MYLK4: variants seen among roughly 807,000 people sequenced by gnomAD.
The protein encoded by MYLK4 is myosin light chain kinase family member 4, also known as caMLCK like.
Under a neutral mutation model 48.1 loss-of-function variants are expected in MYLK4, and 46 were observed. The observed-to-expected ratio is 0.96, with a 90% CI of 0.75 to 1.22. The LOEUF is 1.22. Among genes scored for constraint, MYLK4 ranks in the 50% most tolerant of loss-of-function variants. MYLK4 has a pLI of 0.00. For synonymous variants in MYLK4, 170 were observed against 180.8 expected (o/e 0.94, Z 0.48); for missense variants, 451 against 486.1 (o/e 0.93, Z 0.68).
At chr6:2,765,823 C>G in the MYLK4 span, 3 of 1,357,376 alleles carry the variant, frequency 2.2e-6, no homozygotes, top group Admixed American at 3.6e-5. Context: ...CCTCGCCGCC[C>G]GGCGCCAAGA....
chr6:2,683,170 G>T lies in MYLK4; in HGVS notation c.546-8C>A, dbSNP rs542396141. The T allele has an allele frequency of 6.2e-7, 1 of 1,614,096 alleles. No homozygotes were observed. The highest frequency in any genetic ancestry group is 8.5e-7 in the Non-Finnish European group (1 of 1,179,998). ...AGCTCCCCACCATCCACACTGCAGA[G>T]GGAAGAGGACTGAAACCCTCAGTCC... On this transcript the variant is annotated splice_polypyrimidine_tract_variant and splice_region_variant and intron_variant, in intron 6 of 12. Transcript: ENST00000274643.
At chr6:2,744,420 T>C (rs553021384) in intron 2 of MYLK4, among the ~76,000 whole-genome samples, 4 of 152,300 alleles carry the variant, frequency 2.6e-5, no homozygotes, top group Admixed American at 6.5e-5. Flanking sequence ...CTCCTGCCCT[T>C]ACAGGGTGAG....
chr6:2,689,081 A>T lies in MYLK4; in HGVS notation c.236-125T>A, dbSNP rs1761675355. On this transcript the variant is annotated intron_variant, in intron 3 of 12. Coordinates refer to ENST00000274643, the MANE Select transcript of MYLK4 (RefSeq NM_001012418.5). ...TAAAATACAAGGAGCCATCTGTTTG[A>T]TTCCTAATGATCCAGGGATATAGAT... The T allele has an allele frequency of 1.1e-5, 8 of 700,042 alleles. No individual in the cohort carries two copies. In the South Asian group the frequency reaches 1.3e-4, roughly 12 times the overall value. The allele number at this position is 700,042 out of a possible 1,614,324, so 43.4% of individuals were successfully genotyped here.
intron 10 of MYLK4, among the ~76,000 whole-genome samples, chr6:2,676,323 A>C (rs890694729): frequency 1.3e-5 from 2 of 152,152 alleles, no homozygotes; most frequent in African/African-American, 4.8e-5. Context: ...TTATAGTGCC[A>C]AAAACAGGCA....
At chr6:2,722,512 AGTGTGTGTGTGT>A (rs369339405) in intron 2 of MYLK4, among the ~76,000 whole-genome samples, 34 of 139,542 alleles carry the variant, frequency 2.4e-4, no homozygotes, top group Admixed American at 4.3e-4. Context: ...ACATAAAAGG[AGTGTGTGTGTGT>A]GTGTGTGTGT....
chr6:2,684,026 A>G (rs2113132592), intron 6 of MYLK4, among the ~76,000 whole-genome samples: 1 of 152,352 alleles, frequency 6.6e-6, no homozygotes, highest in South Asian at 2.1e-4. Context: ...CTATAGACAT[A>G]TAACTCCGAT....
chr6:2,667,947 A>AT (rs1471370475), intron 12 of MYLK4, 48 bp from the exon 13 acceptor site: 2 of 152,616 alleles, frequency 1.3e-5, no homozygotes, highest in African/African-American at 2.4e-5. Context: ...CAGGGTTTTT[A>AT]AAATTATAAT....
At chr6:2,709,554 A>G (rs1470016772) in intron 2 of MYLK4, among the ~76,000 whole-genome samples, 2 of 152,274 alleles carry the variant, frequency 1.3e-5, no homozygotes, top group Non-Finnish European at 2.9e-5. Context: ...CCAGGAATTC[A>G]ACAAACAAGC....
At chr6:2,766,247 C>T in the MYLK4 span, 2 of 1,500,200 alleles carry the variant, frequency 1.3e-6, no homozygotes, top group East Asian at 5.3e-5. Context: ...GGGCCGCCCG[C>T]ACCCCCGGGC....
chr6:2,726,916 A>G (rs1168298657), intron 2 of MYLK4, among the ~76,000 whole-genome samples: 1 of 152,158 alleles, frequency 6.6e-6, no homozygotes, highest in Non-Finnish European at 1.5e-5. Flanking sequence ...CCGGGCACCT[A>G]CTATATAATT....
intron 9 of MYLK4, 29 bp from the exon 10 acceptor site, chr6:2,678,401 T>A: frequency 6.2e-7 from 1 of 1,610,188 alleles, no homozygotes; most frequent in Non-Finnish European, 8.5e-7. Context: ...AGAGTGAGTA[T>A]TTTTTAAACA....
chr6:2,764,871 T>G, the MYLK4 span, among the ~76,000 whole-genome samples: 2 of 152,228 alleles, frequency 1.3e-5, no homozygotes, highest in African/African-American at 4.8e-5. Context: ...GAGCATTTCT[T>G]TCACTCGCGT....
chr6:2,669,495 T>C (rs1304851226), intron 12 of MYLK4, among the ~76,000 whole-genome samples: 1 of 151,952 alleles, frequency 6.6e-6, no homozygotes, highest in East Asian at 1.9e-4. Context: ...AGTGAATTCA[T>C]TCCCACCAGG....
chr6:2,693,287 G>C (rs1359890975), intron 2 of MYLK4, among the ~76,000 whole-genome samples: 1 of 152,220 alleles, frequency 6.6e-6, no homozygotes, highest in Non-Finnish European at 1.5e-5. Context: ...TTCATGAATA[G>C]ATGAAAGGAT....
chr6:2,734,463 A>G (rs371401133), intron 2 of MYLK4, among the ~76,000 whole-genome samples: 120 of 152,248 alleles, frequency 7.9e-4, no homozygotes, highest in African/African-American at 2.6e-3. Flanking sequence ...GCCACAGGAC[A>G]AGTTCTGTGT....
the MYLK4 span, among the ~76,000 whole-genome samples, chr6:2,763,759 T>G: frequency 1.3e-5 from 2 of 150,098 alleles, no homozygotes; most frequent in African/African-American, 2.5e-5. Flanking sequence ...ACGGCCGGAG[T>G]GGACGCCAAG....
intron 2 of MYLK4, among the ~76,000 whole-genome samples, chr6:2,698,802 C>G (rs898672660): frequency 1.8e-4 from 28 of 152,326 alleles, no homozygotes; most frequent in African/African-American, 6.7e-4. Flanking sequence ...AGCACACACT[C>G]AAACTCTCCA....
chr6:2,736,183 T>C (rs1054707661), intron 2 of MYLK4, among the ~76,000 whole-genome samples: 1 of 152,242 alleles, frequency 6.6e-6, no homozygotes, highest in Admixed American at 6.5e-5. Flanking sequence ...ATAATAATAC[T>C]GTTACAGATA....
the MYLK4 span, among the ~76,000 whole-genome samples, chr6:2,768,314 G>A: frequency 4.6e-5 from 7 of 152,072 alleles, no homozygotes; most frequent in Admixed American, 1.3e-4. Flanking sequence ...GTGCTGTCTC[G>A]GCTAGAGGAG....
Sources: gnomAD v4.1 joint callset for allele counts (sites outside exome capture counted in the v4.1 genomes callset) on GRCh38, gnomAD v4.1.1 for gene constraint, MANE v1.5 for transcripts, NCBI Gene and HGNC (gene_info 2026-07-23, HGNC 2026-07-21) for gene names.